Variants in FASTKD2 observed in about 807,000 individuals in gnomAD.
The protein encoded by FASTKD2 is FAST kinase domain-containing protein 2, mitochondrial.
Under a neutral mutation model 63.6 loss-of-function variants are expected in FASTKD2, and 51 were observed. That is an observed-to-expected ratio of 0.80 (90% CI 0.64 to 1.01). The LOEUF is 1.01. FASTKD2 is among the 50% of genes least tolerant of loss of function. FASTKD2 has a pLI of 0.00. For synonymous variants in FASTKD2, 284 were observed against 293.4 expected (o/e 0.97, Z 0.33); for missense variants, 786 against 831.1 (o/e 0.95, Z 0.67).
chr2:206,783,874 T>G lies in FASTKD2; in HGVS notation c.1428-2859T>G, dbSNP rs114921519. Among the ~76,000 whole-genome samples the G allele has an allele frequency of 8.2e-3, 1,248 of 152,194 alleles. 9 individuals carry two copies. The highest frequency in any genetic ancestry group is 0.013 in the Non-Finnish European group (895 of 67,988). On this transcript the variant is annotated intron_variant, in intron 7 of 11. Coordinates refer to ENST00000402774, the MANE Select transcript of FASTKD2 (RefSeq NM_001136193.2). ...GACATTTGGCAAGGTATGGAGATGG[T>G]TTTTAGTTGCCACAACAGGAGGGAG...
chr2:206,766,559 TTTCTC>T lies in FASTKD2; in HGVS notation c.-50-80_-50-76del, dbSNP rs1373901308. On this transcript the variant is annotated intron_variant, in intron 1 of 11. Transcript: ENST00000402774. ...TTTAATGGCTCCATAGGTTCCCCAT[TTTCTC>T]TTCTGTTAAATGCATTTCATTTCTT... The T allele has an allele frequency of 3.8e-5, 31 of 818,216 alleles. No individual in the cohort carries two copies. The African/African-American group carries it at 4.3e-4, about 11-fold the overall frequency. The allele number at this position is 818,216 out of a possible 1,614,324, so 50.7% of individuals were successfully genotyped here.
intron 7 of FASTKD2, among the ~76,000 whole-genome samples, chr2:206,779,601 G>A (rs572296516): frequency 3.3e-5 from 5 of 152,226 alleles, no homozygotes; most frequent in South Asian, 2.1e-4. Context: ...TCACTATTAC[G>A]AGAACAGCAT....
intron 7 of FASTKD2, among the ~76,000 whole-genome samples, chr2:206,779,061 T>C (rs927971404): frequency 6.6e-6 from 1 of 152,220 alleles, no homozygotes; most frequent in East Asian, 1.9e-4. Context: ...CCTACTGTTA[T>C]TGTATCATCT....
intron 7 of FASTKD2, among the ~76,000 whole-genome samples, chr2:206,778,883 C>T (rs1020323709): frequency 3.3e-5 from 5 of 152,064 alleles, no homozygotes; most frequent in African/African-American, 1.2e-4. Context: ...GAATCTAATG[C>T]CTTATGAAAC....
Position 206,767,430 on chromosome 2 carries a change from A to G in FASTKD2, c.737A>G (p.Gln246Arg). The G allele has an allele frequency of 6.2e-7, 1 of 1,612,978 alleles. No individual in the cohort carries two copies. Among genetic ancestry groups the G allele is most frequent in the South Asian group, 1.1e-5 (1 of 91,082 alleles). The change falls in exon 2 of 12, where the codon CAG becomes CGG. Residue 246 changes from glutamine (Q) to arginine (R), a missense_variant. By Grantham distance (43) the Gln-to-Arg change is conservative. Transcript: ENST00000402774. ...GCCATAGTGAAGCTTGGAATCCCTC[A>G]GAACACTATTTTGGTGCAGACTTTG... ...LHAIVKLGIPQNTILVQTLLR... is the reference protein window; with the variant it reads ...LHAIVKLGIPRNTILVQTLLR...
At chr2:206,785,802 C>T (rs952276120) in intron 7 of FASTKD2, among the ~76,000 whole-genome samples, 1 of 152,146 alleles carries the variant, frequency 6.6e-6, no homozygotes, top group Non-Finnish European at 1.5e-5. Flanking sequence ...CACTTCTTCC[C>T]CTACCCATGG....
At chr2:206,766,619 C>A (rs1191829893) in intron 1 of FASTKD2, 25 bp from the exon 2 acceptor site, 3 of 1,259,084 alleles carry the variant, frequency 2.4e-6, no homozygotes, top group Admixed American at 1.8e-5. Context: ...AATTTTTATT[C>A]TTTTCATTAC....
At position 206,770,050 on chromosome 2, in the gene FASTKD2, G is replaced by A. The variant is rs1475681690; in HGVS notation, c.778-41G>A. 2.4e-6 allele frequency: 3 copies of A among 1,264,918 alleles called. No individual in the cohort carries two copies. The Admixed American group carries it at 5.0e-5, about 21-fold the overall frequency. The allele number at this position is 1,264,918 out of a possible 1,614,324, so 78.4% of individuals were successfully genotyped here. ...TGCTTGGGTAAGATAGTTTACTATG[G>A]GCTCATCACCTGTAGTGTTTTTGTA... On this transcript the variant is annotated intron_variant, in intron 2 of 11. Transcript: ENST00000402774.
intron 9 of FASTKD2, 69 bp downstream of exon 9, chr2:206,788,224 T>A: frequency 9.0e-7 from 1 of 1,117,050 alleles, no homozygotes; most frequent in Non-Finnish European, 1.3e-6. Context: ...ACCAAAAAAA[T>A]AGGTATTTGT....
In FASTKD2 at chr2:206,785,050, A is replaced by G. The variant is rs140451604; in HGVS notation, c.1428-1683A>G. Among the ~76,000 whole-genome samples, 63 of 152,320 alleles carry G rather than the reference A, an allele frequency of 4.1e-4. No homozygotes were observed. In the East Asian group the frequency reaches 0.011, roughly 26 times the overall value. ...TCCACATGGCTGGGGAGGCCCCACA[A>G]TCATGGCAGAAGATGAAAGGCACAT... On this transcript the variant is annotated intron_variant, in intron 7 of 11. Coordinates refer to ENST00000402774, the MANE Select transcript of FASTKD2 (RefSeq NM_001136193.2).
chr2:206,790,277 AC>A (rs1305842203), intron 10 of FASTKD2: 2 of 355,116 alleles, frequency 5.6e-6, no homozygotes, highest in African/African-American at 4.2e-5. Flanking sequence ...TACACAGAAA[AC>A]CCTTAAAATT....
chr2:206,766,416 T>G (rs564650549), intron 1 of FASTKD2, among the ~76,000 whole-genome samples: 120 of 151,974 alleles, frequency 7.9e-4, no homozygotes, highest in Non-Finnish European at 1.5e-3. Context: ...ACCAGAAAAA[T>G]CTCATTAATA....
At position 206,788,079 on chromosome 2, in the gene FASTKD2, A is replaced by G; in HGVS notation, c.1737A>G (p.Ala579=). The part of the protein sequence containing the change: ...LPSSHTNAKV[A]EVLSSLLGGE... Reference sequence around the variant, plus strand: ...CGTCACATACAAATGCAAAGGTGGCAGAGGTGCTGAGCAGCCTTCTGGGAG... The same window carrying G: ...CGTCACATACAAATGCAAAGGTGGCGGAGGTGCTGAGCAGCCTTCTGGGAG... The change falls in exon 9 of 12, where the codon GCA becomes GCG. Residue 579 remains alanine, a synonymous_variant. Coordinates refer to ENST00000402774, the MANE Select transcript of FASTKD2 (RefSeq NM_001136193.2). 6.2e-7 allele frequency: 1 copy of G among 1,613,862 alleles called. No homozygotes were observed.
rs1574675021 is a variant in FASTKD2, at chr2:206,788,054, C to T, written c.1712C>T (p.Ser571Leu). The T allele has an allele frequency of 4.3e-6, 7 of 1,613,574 alleles. No individual in the cohort carries two copies. The highest frequency in any genetic ancestry group is 2.2e-5 in the East Asian group (1 of 44,862). The change falls in exon 9 of 12, where the codon TCG becomes TTG. Residue 571 changes from serine (S) to leucine (L), a missense_variant. Coordinates refer to ENST00000402774, the MANE Select transcript of FASTKD2 (RefSeq NM_001136193.2). ...SLPQLPRELP[S>L]SHTNAKVAEV... Reference sequence around the variant, plus strand: ...CCACAGCTGCCGCGGGAGCTGCCATCGTCACATACAAATGCAAAGGTGGCA... The same window carrying T: ...CCACAGCTGCCGCGGGAGCTGCCATTGTCACATACAAATGCAAAGGTGGCA...
intron 11 of FASTKD2, 111 bp from the exon 12 acceptor site, chr2:206,791,570 TTG>T (rs2105989876): frequency 1.1e-6 from 1 of 943,106 alleles, no homozygotes; most frequent in Non-Finnish European, 1.7e-6. Flanking sequence ...AAGGTCACAT[TTG>T]CTTTCAAAAA....
intron 7 of FASTKD2, among the ~76,000 whole-genome samples, chr2:206,779,530 G>C (rs1245664501): frequency 6.6e-6 from 1 of 152,172 alleles, no homozygotes; most frequent in Non-Finnish European, 1.5e-5. Flanking sequence ...TAACAGAAGA[G>C]AGCAAGAGAA....
chr2:206,788,601 G>C (rs1690197652), intron 9 of FASTKD2, among the ~76,000 whole-genome samples: 1 of 151,772 alleles, frequency 6.6e-6, no homozygotes, highest in African/African-American at 2.4e-5. Flanking sequence ...TGGGCGTGAT[G>C]GCATGCCCCT....
chr2:206,771,789 G>A, intron 4 of FASTKD2, 105 bp from the exon 5 acceptor site: 4 of 902,500 alleles, frequency 4.4e-6, no homozygotes, highest in Non-Finnish European at 6.9e-6. Context: ...GGGAGGTTGA[G>A]GCTCCAACCT....
At chr2:206,769,916 A>T (rs771935937) in intron 2 of FASTKD2, among the ~76,000 whole-genome samples, 175 bp from the exon 3 acceptor site, 1 of 152,240 alleles carries the variant, frequency 6.6e-6, no homozygotes, top group African/African-American at 2.4e-5. Context: ...TGGAAAATTC[A>T]GTAAGTATGA....
Sources: allele counts gnomAD v4.1 joint callset (sites outside exome capture counted in the v4.1 genomes callset), GRCh38; gene constraint gnomAD v4.1.1; transcripts MANE v1.5; gene names NCBI Gene and HGNC (gene_info 2026-07-23, HGNC 2026-07-21).